Variants in DLG1 observed in about 807,000 individuals in gnomAD.
DLG1 encodes the protein discs large MAGUK scaffold protein 1, also known as disks large homolog 1.
Under a neutral mutation model 123.4 loss-of-function variants are expected in DLG1, and 42 were observed. The observed-to-expected ratio is 0.34, with a 90% CI of 0.27 to 0.44. DLG1 has a LOEUF of 0.44. DLG1 is among the 20% of genes least tolerant of loss of function. The pLI, the probability that DLG1 is intolerant of heterozygous loss-of-function variation, is 1.00. For missense variants in DLG1, 942 were observed against 1,082.6 expected, an observed-to-expected ratio of 0.87 and a Z score of 1.82; for synonymous variants, 317 against 356.2, an observed-to-expected ratio of 0.89 and a Z score of 1.24.
chr3:197,266,629 G>A (rs548010179), intron 4 of DLG1, among the ~76,000 whole-genome samples: 1 of 152,040 alleles, frequency 6.6e-6, no homozygotes, highest in Admixed American at 6.6e-5. Context: ...GAAGGAGAGG[G>A]AGAGGAGAAG....
At chr3:197,201,415 A>G (rs1725674860) in intron 4 of DLG1, among the ~76,000 whole-genome samples, 1 of 152,170 alleles carries the variant, frequency 6.6e-6, no homozygotes, top group African/African-American at 2.4e-5. Context: ...CAAACTCTAA[A>G]GACTCCACCA....
chr3:197,261,708 G>T (rs338195), intron 4 of DLG1, among the ~76,000 whole-genome samples: 114,826 of 152,106 alleles, frequency 0.75, 43,452 homozygotes, highest in East Asian at 0.82. Context: ...TTAATACATA[G>T]ATACCATTTG....
At chr3:197,184,023 TGA>T in intron 5 of DLG1, 1 of 1,316,750 alleles carries the variant, frequency 7.6e-7, no homozygotes, top group Non-Finnish European at 9.7e-7. Flanking sequence ...GTATGATGGC[TGA>T]GTTTATTTTT....
intron 4 of DLG1, among the ~76,000 whole-genome samples, chr3:197,234,441 T>G (rs1467327371): frequency 2.0e-5 from 3 of 152,200 alleles, no homozygotes; most frequent in Admixed American, 1.3e-4. Context: ...TGACTGGAGA[T>G]CTTACTTTTG....
intron 24 of DLG1, among the ~76,000 whole-genome samples, chr3:197,045,319 T>C (rs988822600): frequency 6.6e-6 from 1 of 152,312 alleles, no homozygotes; most frequent in Middle Eastern, 3.4e-3. Context: ...TACTAACAAC[T>C]AATTCTTTGG....
chr3:197,112,977 G>C (rs1770960612), intron 13 of DLG1, among the ~76,000 whole-genome samples: 1 of 152,076 alleles, frequency 6.6e-6, no homozygotes, highest in African/African-American at 2.4e-5. Context: ...CTCTAGGCCT[G>C]TGAACATAGT....
intron 6 of DLG1, among the ~76,000 whole-genome samples, chr3:197,149,194 T>C (rs1257687671): frequency 6.6e-6 from 1 of 152,142 alleles, no homozygotes; most frequent in African/African-American, 2.4e-5. Flanking sequence ...CCTGTACCTA[T>C]TAGCAGTCAC....
intron 4 of DLG1, among the ~76,000 whole-genome samples, chr3:197,198,303 T>C (rs1723672319): frequency 6.6e-6 from 1 of 151,786 alleles, no homozygotes; most frequent in Non-Finnish European, 1.5e-5. Context: ...GCCTTACTAA[T>C]ATAGTCAAAC....
intron 23 of DLG1, among the ~76,000 whole-genome samples, chr3:197,053,684 A>C (rs1231533803): frequency 6.6e-6 from 1 of 151,718 alleles, no homozygotes; most frequent in African/African-American, 2.4e-5. Flanking sequence ...AGGCAAGAGA[A>C]TCACTTGAAC....
intron 11 of DLG1, among the ~76,000 whole-genome samples, chr3:197,128,975 C>T (rs943462700): frequency 6.6e-6 from 1 of 152,152 alleles, no homozygotes; most frequent in Non-Finnish European, 1.5e-5. Flanking sequence ...TACAGTTATA[C>T]AGAACAGGCA....
intron 4 of DLG1, among the ~76,000 whole-genome samples, chr3:197,272,738 G>T (rs550099466): frequency 1.3e-5 from 2 of 152,128 alleles, no homozygotes; most frequent in African/African-American, 4.8e-5. Context: ...CACACAAGGG[G>T]GTATATACAC....
At chr3:197,241,951 T>C (rs181404349) in intron 4 of DLG1, among the ~76,000 whole-genome samples, 6 of 152,232 alleles carry the variant, frequency 3.9e-5, no homozygotes, top group Admixed American at 2.6e-4. Flanking sequence ...AAAATGGCAG[T>C]AGTCTTTACT....
chr3:197,244,040 C>T (rs1008011835), intron 4 of DLG1, among the ~76,000 whole-genome samples: 4 of 152,154 alleles, frequency 2.6e-5, no homozygotes, highest in Non-Finnish European at 4.4e-5. Context: ...CAATACCATC[C>T]TACATTTGCT....
chr3:197,270,661 C>T (rs548215122), intron 4 of DLG1, among the ~76,000 whole-genome samples: 2 of 152,264 alleles, frequency 1.3e-5, no homozygotes, highest in Admixed American at 6.5e-5. Flanking sequence ...CAAAGTACAA[C>T]CCCATACACA....
intron 14 of DLG1, among the ~76,000 whole-genome samples, chr3:197,095,961 A>G (rs563913766): frequency 6.6e-6 from 1 of 152,312 alleles, no homozygotes; most frequent in Admixed American, 6.5e-5. Context: ...AGAACAATCT[A>G]GCATTTTCTT....
intron 23 of DLG1, among the ~76,000 whole-genome samples, chr3:197,057,581 A>G (rs1377297934): frequency 6.6e-6 from 1 of 152,130 alleles, no homozygotes; most frequent in East Asian, 1.9e-4. Flanking sequence ...CACTGTTACG[A>G]GTTTCAGTTG....
At chr3:197,203,944 G>A (rs750583419) in intron 4 of DLG1, among the ~76,000 whole-genome samples, 4 of 152,174 alleles carry the variant, frequency 2.6e-5, no homozygotes, top group Non-Finnish European at 5.9e-5. Context: ...TCTATCCTAT[G>A]CAAAGAGTCA....
At chr3:197,212,305 T>C (rs1489696658) in intron 4 of DLG1, among the ~76,000 whole-genome samples, 1 of 149,498 alleles carries the variant, frequency 6.7e-6, no homozygotes, top group Non-Finnish European at 1.5e-5. Flanking sequence ...CTTACTTGCC[T>C]CACTTGTTTT....
rs114410819 is a variant in DLG1 at position 197,045,702 on chromosome 3, C to T, written c.2576-973G>A. 8.5e-3 allele frequency among the ~76,000 whole-genome samples: 1,290 copies of T among 152,192 alleles called. 17 individuals carry two copies. The highest frequency in any genetic ancestry group is 0.029 in the African/African-American group (1,222 of 41,506). On this transcript the variant is annotated intron_variant, in intron 24 of 24. Transcript: ENST00000667157. The stretch of plus-strand genomic sequence containing the variant: ...ACAACTGCAGTGAGCTATGATCGTA[C>T]CATTGGATTGTACCATTTGCCTGGG...
Sources: gnomAD v4.1 joint callset for allele counts (sites outside exome capture counted in the v4.1 genomes callset) on GRCh38, gnomAD v4.1.1 for gene constraint, MANE v1.5 for transcripts, NCBI Gene and HGNC (gene_info 2026-07-23, HGNC 2026-07-21) for gene names.